Variants in DYNC1I1 observed in about 807,000 individuals in gnomAD.
DYNC1I1 encodes cytoplasmic dynein 1 intermediate chain 1.
DYNC1I1 carries 43 observed loss-of-function variants against 86.6 expected under a neutral mutation model. The observed-to-expected ratio is 0.50, with a 90% confidence interval of 0.39 to 0.64. The LOEUF is 0.64. DYNC1I1 is among the 30% of genes least tolerant of loss of function. The pLI is 0.00. For missense variants in DYNC1I1, 604 were observed against 788.8 expected (o/e 0.77, Z 2.81); for synonymous variants, 262 against 283.7 (o/e 0.92, Z 0.77).
intron 4 of DYNC1I1, among the ~76,000 whole-genome samples, chr7:95,823,259 A>G (rs1795119814): frequency 6.6e-6 from 1 of 152,102 alleles, no homozygotes; most frequent in Non-Finnish European, 1.5e-5. Context: ...GGTCAAATGG[A>G]ATCTCTAATC....
intron 5 of DYNC1I1, among the ~76,000 whole-genome samples, chr7:95,846,694 A>G (rs1789442429): frequency 6.8e-6 from 1 of 148,052 alleles, no homozygotes; most frequent in Non-Finnish European, 1.5e-5. Flanking sequence ...GGCCAGGTTC[A>G]TGTCCTCAGT....
chr7:96,078,304 A>G (rs1246153736), intron 15 of DYNC1I1, among the ~76,000 whole-genome samples: 1 of 152,232 alleles, frequency 6.6e-6, no homozygotes, highest in Non-Finnish European at 1.5e-5. Context: ...TGATTGAGCC[A>G]GGAAAACTGT....
At chr7:96,100,357 TTCC>T (rs2116342357), downstream of DYNC1I1, among the ~76,000 whole-genome samples, 1 of 135,850 alleles carries the variant, frequency 7.4e-6, no homozygotes, top group South Asian at 2.2e-4. Flanking sequence ...CTTCCTTCCT[TTCC>T]TTCCTTCCTT....
At chr7:96,027,652 G>T (rs1157850441) in intron 10 of DYNC1I1, among the ~76,000 whole-genome samples, 2 of 152,170 alleles carry the variant, frequency 1.3e-5, no homozygotes, top group African/African-American at 4.8e-5. Context: ...TCTGAGGTCA[G>T]TATACTTCCT....
At chr7:96,099,879 T>C (rs932788041), downstream of DYNC1I1, among the ~76,000 whole-genome samples, 1 of 152,228 alleles carries the variant, frequency 6.6e-6, no homozygotes, top group Non-Finnish European at 1.5e-5. Flanking sequence ...TCAATCTTGG[T>C]CCCTGAGCTA....
chr7:96,013,584 A>G (rs1188170993), intron 10 of DYNC1I1, among the ~76,000 whole-genome samples: 1 of 152,038 alleles, frequency 6.6e-6, no homozygotes. Context: ...TCCGTCTCCC[A>G]GGTAGCTGGG....
intron 4 of DYNC1I1, among the ~76,000 whole-genome samples, chr7:95,815,226 T>C (rs1415717677): frequency 6.6e-6 from 1 of 152,206 alleles, no homozygotes; most frequent in Admixed American, 6.5e-5. Flanking sequence ...TATTTCTTTC[T>C]CCTTCTTAGG....
Position 96,076,044 on chromosome 7 carries a change from C to G in DYNC1I1, c.1510-13C>G. On this transcript the variant is annotated splice_polypyrimidine_tract_variant and intron_variant, in intron 14 of 16. Coordinates refer to ENST00000447467, the MANE Select transcript of DYNC1I1 (RefSeq NM_001135556.2). ...CAGCGCCACAAAGTCTTCACGGTCTCTCTGCTTTACAGCACAACAAGCCGC... is the reference window on the plus strand; with the variant it reads ...CAGCGCCACAAAGTCTTCACGGTCTGTCTGCTTTACAGCACAACAAGCCGC... The G allele has an allele frequency of 1.2e-6, 2 of 1,612,042 alleles. No homozygotes were observed. Among genetic ancestry groups the G allele is most frequent in the Non-Finnish European group, 1.7e-6 (2 of 1,178,442 alleles).
At chr7:96,044,082 T>C (rs1189711455) in intron 14 of DYNC1I1, among the ~76,000 whole-genome samples, 1 of 152,158 alleles carries the variant, frequency 6.6e-6, no homozygotes, top group Non-Finnish European at 1.5e-5. Flanking sequence ...AATTATATGA[T>C]ATTAGGGATT....
At chr7:95,836,866 C>T (rs1340436105) in intron 5 of DYNC1I1, among the ~76,000 whole-genome samples, 1 of 151,730 alleles carries the variant, frequency 6.6e-6, no homozygotes, top group Non-Finnish European at 1.5e-5. Flanking sequence ...GTTATACATT[C>T]TTCTAAATTT....
At chr7:96,080,247 T>G (rs1790472581) in intron 15 of DYNC1I1, 116 bp from the exon 16 acceptor site, 1 of 1,334,846 alleles carries the variant, frequency 7.5e-7, no homozygotes, top group Non-Finnish European at 1.0e-6. Context: ...GGATGTGTAT[T>G]ACTTAATGCA....
At chr7:95,907,218 A>AT (rs1376647884) in intron 6 of DYNC1I1, among the ~76,000 whole-genome samples, 1 of 152,138 alleles carries the variant, frequency 6.6e-6, no homozygotes, top group Non-Finnish European at 1.5e-5. Context: ...AAATATTTGG[A>AT]TACGAGCATA....
intron 6 of DYNC1I1, among the ~76,000 whole-genome samples, chr7:95,897,071 A>G (rs896273346): frequency 6.6e-6 from 1 of 152,174 alleles, no homozygotes; most frequent in African/African-American, 2.4e-5. Flanking sequence ...GAAAGGAGGG[A>G]TATGCCAGGG....
At chr7:96,074,055 T>C (rs1790251011) in intron 14 of DYNC1I1, among the ~76,000 whole-genome samples, 1 of 152,172 alleles carries the variant, frequency 6.6e-6, no homozygotes, top group Non-Finnish European at 1.5e-5. Flanking sequence ...ATACATACTT[T>C]GGCATAAAAG....
chr7:95,911,553 G>A (rs1791336269), intron 6 of DYNC1I1, among the ~76,000 whole-genome samples: 1 of 152,160 alleles, frequency 6.6e-6, no homozygotes, highest in South Asian at 2.1e-4. Context: ...GCCCATGAAG[G>A]ACACAGAGGC....
chr7:95,805,681 C>CTAATAACACTTAT (rs1794686067), intron 2 of DYNC1I1, among the ~76,000 whole-genome samples: 1 of 152,064 alleles, frequency 6.6e-6, no homozygotes, highest in Non-Finnish European at 1.5e-5. Context: ...TTTGTCGTGG[C>CTAATAACACTTAT]AGTGTAGGAA....
At chr7:95,906,143 A>G (rs1791170736) in intron 6 of DYNC1I1, among the ~76,000 whole-genome samples, 1 of 152,162 alleles carries the variant, frequency 6.6e-6, no homozygotes, top group South Asian at 2.1e-4. Flanking sequence ...TGTAAAATAT[A>G]TTTCTTGAAG....
At chr7:95,935,353 C>T (rs1486890197) in intron 6 of DYNC1I1, among the ~76,000 whole-genome samples, 4 of 152,032 alleles carry the variant, frequency 2.6e-5, no homozygotes, top group African/African-American at 9.7e-5. Context: ...GAATATACCA[C>T]ATTTTCTTTA....
intron 10 of DYNC1I1, among the ~76,000 whole-genome samples, chr7:96,005,721 G>A (rs957645309): frequency 1.3e-5 from 2 of 152,142 alleles, no homozygotes; most frequent in African/African-American, 4.8e-5. Context: ...CAGATATGTT[G>A]AAATTGCCAC....
Sources: allele counts gnomAD v4.1 joint callset (sites outside exome capture counted in the v4.1 genomes callset), GRCh38; gene constraint gnomAD v4.1.1; transcripts MANE v1.5; gene names NCBI Gene and HGNC (gene_info 2026-07-23, HGNC 2026-07-21).